Variants in SLC35F2 observed in about 807,000 individuals in gnomAD.
The protein encoded by SLC35F2 is solute carrier family 35 member F2, also known as queuine/queuosine transporter SLC35F2.
SLC35F2 carries 25 observed loss-of-function variants against 38.1 expected under a neutral mutation model. The observed-to-expected ratio is 0.66, with a 90% CI of 0.48 to 0.92. The LOEUF (loss-of-function observed/expected upper bound fraction) is 0.92. Among genes scored for constraint, SLC35F2 ranks in the 40% least tolerant of loss-of-function variants. The probability of loss-of-function intolerance (pLI) is 0.00; values close to 1 mark genes in which losing one functional copy is unlikely to be tolerated. For synonymous variants in SLC35F2, 173 were observed against 181.7 expected (o/e 0.95, Z 0.38); for missense variants, 409 against 452.9 (o/e 0.90, Z 0.88).
chr11:107,817,361 T>C (rs1261040176), intron 1 of SLC35F2, among the ~76,000 whole-genome samples: 2 of 152,004 alleles, frequency 1.3e-5, no homozygotes, highest in African/African-American at 2.4e-5. Context: ...TAAGAGGGCA[T>C]GGCCAGAGAA....
In SLC35F2 at chr11:107,808,877, A is replaced by T. The variant is rs115396596; in HGVS notation, c.415-2001T>A. On this transcript the variant is annotated intron_variant, in intron 3 of 7. Coordinates refer to ENST00000525815, the MANE Select transcript of SLC35F2 (RefSeq NM_017515.5). ...TACATTCCTTAAACAAAAAAAGTAG[A>T]AAAAGACATTCTAAGAACTACCACA... 4.2e-3 allele frequency among the ~76,000 whole-genome samples: 634 copies of T among 152,324 alleles called. 3 individuals are homozygous for T. Among genetic ancestry groups the T allele is most frequent in the African/African-American group, 0.015 (609 of 41,574 alleles).
intron 1 of SLC35F2, among the ~76,000 whole-genome samples, chr11:107,820,780 A>C (rs1166912670): frequency 6.6e-6 from 1 of 152,174 alleles, no homozygotes; most frequent in African/African-American, 2.4e-5. Flanking sequence ...ACATAGTGAA[A>C]TCCCGTCTCT....
At chr11:107,810,534 T>C in intron 3 of SLC35F2, 1 of 985,312 alleles carries the variant, frequency 1.0e-6, no homozygotes, top group Non-Finnish European at 1.2e-6. Context: ...AAAGTACACT[T>C]ACTCCTATTA....
At chr11:107,830,104 T>TA (rs1859814636) in intron 1 of SLC35F2, among the ~76,000 whole-genome samples, 1 of 151,268 alleles carries the variant, frequency 6.6e-6, no homozygotes, top group African/African-American at 2.4e-5. Flanking sequence ...TCTATAAAAG[T>TA]TAAAAAAAAA....
chr11:107,844,242 G>A (rs1184903477), intron 1 of SLC35F2, among the ~76,000 whole-genome samples: 1 of 152,112 alleles, frequency 6.6e-6, no homozygotes, highest in African/African-American at 2.4e-5. Context: ...GACTAACACT[G>A]TTAGGCAAAA....
intron 2 of SLC35F2, among the ~76,000 whole-genome samples, chr11:107,812,290 T>C (rs1859495321): frequency 6.6e-6 from 1 of 152,204 alleles, no homozygotes; most frequent in African/African-American, 2.4e-5. Context: ...GTTAGATTTT[T>C]TTCTAGCATG....
intron 1 of SLC35F2, among the ~76,000 whole-genome samples, chr11:107,844,019 A>G (rs564402164): frequency 6.6e-6 from 1 of 151,780 alleles, no homozygotes; most frequent in African/African-American, 2.4e-5. Flanking sequence ...TAATGCTCCC[A>G]GAAGATGCAT....
chr11:107,803,016 A>G lies in SLC35F2; in HGVS notation c.924T>C (p.Phe308=). The change falls in exon 7 of 8, where the codon TTT becomes TTC. Residue 308 remains phenylalanine (F), a synonymous_variant. Transcript: ENST00000525815. ...ATTTGTTTACCTTATAGCCAAACAGAAAGAGTCCAACAAAAAGGCTGTAGA... is the reference window on the plus strand; with the variant it reads ...ATTTGTTTACCTTATAGCCAAACAGGAAGAGTCCAACAAAAAGGCTGTAGA... The part of the protein sequence containing the change: ...ADLYSLFVGL[F]LFGYKFSGLY... 2 of 1,611,320 alleles carry G rather than the reference A, an allele frequency of 1.2e-6. No homozygotes were observed. The highest frequency in any genetic ancestry group is 1.7e-6 in the Non-Finnish European group (2 of 1,179,326).
chr11:107,815,593 CA>C (rs946751559), intron 2 of SLC35F2, among the ~76,000 whole-genome samples, 196 bp downstream of exon 2: 132 of 139,456 alleles, frequency 9.5e-4, no homozygotes, highest in African/African-American at 2.4e-3. Flanking sequence ...AACACACACA[CA>C]AAAAAAAAAA....
intron 1 of SLC35F2, among the ~76,000 whole-genome samples, chr11:107,822,529 C>G (rs1213522331): frequency 6.6e-6 from 1 of 152,146 alleles, no homozygotes; most frequent in Non-Finnish European, 1.5e-5. Flanking sequence ...CCCCAGAACA[C>G]ATCGGGGAGC....
At chr11:107,805,740 C>T (rs955661561) in intron 4 of SLC35F2, 58 of 841,126 alleles carry the variant, frequency 6.9e-5, no homozygotes, top group African/African-American at 7.5e-5. Flanking sequence ...TGCAGTGGCG[C>T]AATCTCAGCT....
chr11:107,802,680 C>T (rs141777777), intron 7 of SLC35F2, among the ~76,000 whole-genome samples: 28 of 152,344 alleles, frequency 1.8e-4, no homozygotes, highest in African/African-American at 6.3e-4. Flanking sequence ...TTAAGTTACA[C>T]TGTCCCTCAA....
chr11:107,843,864 AAAAAATAT>A (rs1473532715), intron 1 of SLC35F2, among the ~76,000 whole-genome samples: 44 of 35,002 alleles, frequency 1.3e-3, no homozygotes, highest in East Asian at 9.3e-3. Flanking sequence ...AAAAAAAAAA[AAAAAATAT>A]ATATATATAT....
intron 7 of SLC35F2, among the ~76,000 whole-genome samples, chr11:107,799,891 TTG>T (rs200159031): frequency 2.4e-5 from 2 of 83,512 alleles, no homozygotes; most frequent in African/African-American, 9.3e-5. Flanking sequence ...TTGTTTGTTT[TTG>T]TTTTTTTTTT....
At chr11:107,846,214 GAA>G (rs34130706) in intron 1 of SLC35F2, among the ~76,000 whole-genome samples, 4 of 144,314 alleles carry the variant, frequency 2.8e-5, no homozygotes, top group Non-Finnish European at 3.0e-5. Flanking sequence ...ATTGGTAACA[GAA>G]AAAAAAAAAT....
intron 1 of SLC35F2, chr11:107,821,448 G>T (rs1859670838): frequency 2.0e-6 from 2 of 985,272 alleles, no homozygotes; most frequent in African/African-American, 1.7e-5. Context: ...GAGCAAGAGT[G>T]AGAGAGAAAA....
chr11:107,842,335 T>C (rs1395709543), intron 1 of SLC35F2, among the ~76,000 whole-genome samples: 1 of 134,514 alleles, frequency 7.4e-6, no homozygotes, highest in Non-Finnish European at 1.6e-5. Context: ...ATACAGCTGG[T>C]GGAAGTGGAA....
chr11:107,826,275 A>G (rs995699440), intron 1 of SLC35F2, among the ~76,000 whole-genome samples: 3 of 146,996 alleles, frequency 2.0e-5, no homozygotes, highest in Non-Finnish European at 3.0e-5. Flanking sequence ...AGGAAAGATA[A>G]AACTTTTTTT....
At chr11:107,824,345 A>G (rs1859722169) in intron 1 of SLC35F2, among the ~76,000 whole-genome samples, 1 of 152,266 alleles carries the variant, frequency 6.6e-6, no homozygotes. Flanking sequence ...TGCAAGGCAG[A>G]CAATACTGTA....
Sources: gnomAD v4.1 joint callset for allele counts (sites outside exome capture counted in the v4.1 genomes callset) on GRCh38, gnomAD v4.1.1 for gene constraint, MANE v1.5 for transcripts, NCBI Gene and HGNC (gene_info 2026-07-23, HGNC 2026-07-21) for gene names.